Variants in DYNC2H1 observed in about 807,000 individuals in gnomAD.
DYNC2H1 encodes the protein dynein cytoplasmic 2 heavy chain 1, also known as cytoplasmic dynein 2 heavy chain 1.
In DYNC2H1, 410 loss-of-function variants were observed where a neutral mutation model predicts 570.0. The ratio of observed to expected loss-of-function variants is 0.72; its 90% confidence interval spans 0.66 to 0.78. The LOEUF is 0.78. Ranked by LOEUF, DYNC2H1 falls within the 30% of genes least tolerant of loss-of-function variation. The pLI is 0.00. For missense variants in DYNC2H1, 4,865 were observed against 5,046.4 expected, an observed-to-expected ratio of 0.96 and a Z score of 1.09; for synonymous variants, 1,688 against 1,677.6, an observed-to-expected ratio of 1.01 and a Z score of -0.15.
intron 83 of DYNC2H1, among the ~76,000 whole-genome samples, chr11:103,378,503 G>T (rs1159324730): frequency 6.6e-6 from 1 of 152,162 alleles, no homozygotes; most frequent in Non-Finnish European, 1.5e-5. Context: ...AGGCCACTGT[G>T]ATGGCTAGGA....
intron 85 of DYNC2H1, among the ~76,000 whole-genome samples, chr11:103,453,738 T>C (rs937423724): frequency 2.0e-5 from 3 of 151,016 alleles, no homozygotes; most frequent in Non-Finnish European, 4.4e-5. Context: ...GAAATACTTA[T>C]TAAATGACTG....
intron 87 of DYNC2H1, among the ~76,000 whole-genome samples, chr11:103,462,157 A>AC (rs1945035734): frequency 6.6e-6 from 1 of 152,148 alleles, no homozygotes; most frequent in East Asian, 1.9e-4. Flanking sequence ...TTCATTTATT[A>AC]CCACTGTTAC....
At chr11:103,178,941 A>G in intron 38 of DYNC2H1, 85 bp from the exon 39 acceptor site, 1 of 1,312,970 alleles carries the variant, frequency 7.6e-7, no homozygotes, top group South Asian at 1.6e-5. Flanking sequence ...TCATATGAAA[A>G]TTAAGAATTG....
intron 84 of DYNC2H1, chr11:103,404,136 C>G (rs1942763495): frequency 6.6e-6 from 1 of 151,740 alleles, no homozygotes; most frequent in African/African-American, 2.4e-5. Flanking sequence ...GGATGTAGCA[C>G]CTTGAAAGCC....
At chr11:103,367,191 AGT>A (rs759718302) in intron 83 of DYNC2H1, among the ~76,000 whole-genome samples, 7 of 152,050 alleles carry the variant, frequency 4.6e-5, no homozygotes, top group Non-Finnish European at 1.0e-4. Context: ...TATGTGTCTG[AGT>A]GTGGGTGTGT....
At chr11:103,321,558 A>G (rs1938200654) in intron 81 of DYNC2H1, among the ~76,000 whole-genome samples, 1 of 152,174 alleles carries the variant, frequency 6.6e-6, no homozygotes, top group African/African-American at 2.4e-5. Context: ...ACTTCATAGT[A>G]GGCATGAGTA....
intron 77 of DYNC2H1, among the ~76,000 whole-genome samples, chr11:103,306,780 T>A (rs1867303533): frequency 6.6e-6 from 1 of 152,194 alleles, no homozygotes; most frequent in Non-Finnish European, 1.5e-5. Context: ...CAAAACTTCT[T>A]CTGTCATTTA....
intron 83 of DYNC2H1, 119 bp from the exon 84 acceptor site, chr11:103,399,544 G>C: frequency 1.5e-6 from 1 of 689,160 alleles, no homozygotes; most frequent in Non-Finnish European, 2.3e-6. Flanking sequence ...TAAAATAAAA[G>C]CATTTCAAAA....
In DYNC2H1 at chr11:103,313,242, A is replaced by G. The variant is rs548647318; in HGVS notation, c.11649+1209A>G. ...GCCCTTTGTGTCACTTGCATTCTAT[A>G]CTTCAGTCATGCTGGGCTTTTTTAA... On this transcript the variant is annotated intron_variant, in intron 79 of 88. Transcript: ENST00000375735. 3.9e-5 allele frequency among the ~76,000 whole-genome samples: 6 copies of G among 152,162 alleles called. No homozygotes were observed. The East Asian group carries it at 1.2e-3, about 29-fold the overall frequency.
rs11225589 is a variant in DYNC2H1, at chr11:103,187,813, G to A, written c.7140+227G>A. 0.034 allele frequency among the ~76,000 whole-genome samples: 5,118 copies of A among 152,176 alleles called. 291 individuals are homozygous for A. Among genetic ancestry groups the A allele is most frequent in the African/African-American group, 0.12 (4,860 of 41,518 alleles). ...ATACATGACAGGGAGAATAGAAACA[G>A]CCTTCACTCTACATCTATTACTTGT... On this transcript the variant is annotated intron_variant, in intron 43 of 88. Transcript: ENST00000375735.
At chr11:103,141,522 T>C (rs1161389037) in intron 17 of DYNC2H1, among the ~76,000 whole-genome samples, 1 of 152,214 alleles carries the variant, frequency 6.6e-6, no homozygotes, top group Non-Finnish European at 1.5e-5. Context: ...ACAGCAGATT[T>C]TCGTGAACCA....
intron 85 of DYNC2H1, among the ~76,000 whole-genome samples, chr11:103,438,770 G>T (rs1235977501): frequency 1.3e-5 from 2 of 152,124 alleles, no homozygotes; most frequent in Non-Finnish European, 2.9e-5. Flanking sequence ...AAGTACTGGA[G>T]ATATCAGGAT....
Position 103,202,293 on chromosome 11 carries a change from G to GTTTT in DYNC2H1, c.8198-1370_8198-1369insTTTT, listed in dbSNP as rs1318165052. 8.3e-3 allele frequency among the ~76,000 whole-genome samples: 391 copies of GTTTT among 47,018 alleles called. 15 individuals are homozygous for GTTTT. Among genetic ancestry groups the GTTTT allele is most frequent in the Middle Eastern group, 0.02 (2 of 100 alleles). The allele number at this position is 47,018 out of a possible 152,430, so 30.8% of individuals were successfully genotyped here. ...TTTGGCTGATGAGACCAGAAACACA[G>GTTTT]ATTTTTTTTTTTTTTTTTTGGAAAG... is the stretch of plus-strand genomic sequence containing the variant. On this transcript the variant is annotated intron_variant, in intron 50 of 88. Coordinates refer to ENST00000375735, the MANE Select transcript of DYNC2H1 (RefSeq NM_001377.3).
intron 47 of DYNC2H1, among the ~76,000 whole-genome samples, chr11:103,195,677 A>G (rs768562176): frequency 6.6e-6 from 1 of 152,202 alleles, no homozygotes; most frequent in Non-Finnish European, 1.5e-5. Flanking sequence ...TCCATAAACA[A>G]TGTTGCTGAG....
intron 82 of DYNC2H1, among the ~76,000 whole-genome samples, chr11:103,327,081 C>T (rs1938535897): frequency 2.0e-5 from 3 of 152,060 alleles, no homozygotes; most frequent in Non-Finnish European, 1.5e-5. Context: ...TGCTTGGGGC[C>T]GGGAACAGCC....
At position 103,189,669 on chromosome 11, in the gene DYNC2H1, T is replaced by A; in HGVS notation, c.7293-3T>A. ...CTTTCTTCTTATATGCCATTTTTTT[T>A]AGTTACCCAGAAAGAGAGCAGTTAC... On this transcript the variant is annotated splice_region_variant and splice_polypyrimidine_tract_variant and intron_variant, in intron 44 of 88. Transcript: ENST00000375735. This position sits in a 1 kb window ranked among gnomAD's most constrained non-coding sequence, Gnocchi z 4.3. 2 of 1,611,138 alleles carry A rather than the reference T, an allele frequency of 1.2e-6. No individual in the cohort carries two copies. Among genetic ancestry groups the A allele is most frequent in the East Asian group, 2.2e-5 (1 of 44,758 alleles).
At chr11:103,303,531 C>T (rs932396975) in intron 76 of DYNC2H1, among the ~76,000 whole-genome samples, 8 of 151,750 alleles carry the variant, frequency 5.3e-5, no homozygotes, top group Non-Finnish European at 1.2e-4. Flanking sequence ...GCAGGTGAGT[C>T]GAGAGTGCAG....
At chr11:103,200,339 A>G (rs1862668530) in intron 50 of DYNC2H1, among the ~76,000 whole-genome samples, 185 bp downstream of exon 50, 1 of 152,188 alleles carries the variant, frequency 6.6e-6, no homozygotes, top group South Asian at 2.1e-4. Flanking sequence ...AAAACCAATA[A>G]TTTAAGACAT....
At chr11:103,298,797 A>G (rs1866939230) in intron 75 of DYNC2H1, among the ~76,000 whole-genome samples, 1 of 152,124 alleles carries the variant, frequency 6.6e-6, no homozygotes, top group South Asian at 2.1e-4. Context: ...GATCTTTATT[A>G]AGTTTTAGCA....
Sources: allele counts gnomAD v4.1 joint callset (sites outside exome capture counted in the v4.1 genomes callset), GRCh38; gene constraint gnomAD v4.1.1; non-coding constraint Gnocchi (gnomAD v3.1); transcripts MANE v1.5; gene names NCBI Gene and HGNC (gene_info 2026-07-23, HGNC 2026-07-21).